PID1: variants seen among roughly 807,000 people sequenced by gnomAD.
PID1 encodes PTB-containing, cubilin and LRP1-interacting protein.
A neutral mutation model predicts 19.1 loss-of-function variants in PID1; 10 were observed. The observed-to-expected ratio is 0.52, with a 90% CI of 0.32 to 0.89. The LOEUF is 0.89. PID1 is among the 40% of genes least tolerant of loss of function. PID1 has a pLI of 0.03. For missense variants in PID1, 248 were observed against 285.3 expected (o/e 0.87, Z 0.94); for synonymous variants, 130 against 116.0 (o/e 1.12, Z -0.78).
chr2:229,159,073 A>C (rs1013207463), intron 1 of PID1, among the ~76,000 whole-genome samples: 1 of 152,238 alleles, frequency 6.6e-6, no homozygotes, highest in Non-Finnish European at 1.5e-5. Flanking sequence ...ACATTTTAAA[A>C]TTAATTAAAA....
intron 1 of PID1, among the ~76,000 whole-genome samples, chr2:229,270,587 T>G (rs1211092620): frequency 1.3e-5 from 2 of 149,212 alleles, no homozygotes; most frequent in South Asian, 2.1e-4. Context: ...ATTTCCACAT[T>G]ATATTGGCAA....
At chr2:229,231,743 C>G (rs1692213465) in intron 1 of PID1, among the ~76,000 whole-genome samples, 1 of 152,136 alleles carries the variant, frequency 6.6e-6, no homozygotes, top group African/African-American at 2.4e-5. Flanking sequence ...CTCCCATAAT[C>G]AGGTTTCTGT....
intron 1 of PID1, among the ~76,000 whole-genome samples, chr2:229,265,079 C>G (rs1412227886): frequency 6.6e-6 from 1 of 152,222 alleles, no homozygotes; most frequent in Non-Finnish European, 1.5e-5. Context: ...AAAACTGAAA[C>G]ATTGCTAGTA....
At position 229,087,608 on chromosome 2, in the gene PID1, C is replaced by T. The variant is rs570564460; in HGVS notation, c.178-61500G>A. 2.3e-4 allele frequency among the ~76,000 whole-genome samples: 35 copies of T among 152,260 alleles called. No individual in the cohort carries two copies. In the East Asian group the frequency reaches 3.3e-3, roughly 14 times the overall value. Reference sequence around the variant, plus strand: ...ACATTAGACATCAATAAATGTTCCTCGAAGACAGTTGCCATTGAGTAACGA... The same window carrying T: ...ACATTAGACATCAATAAATGTTCCTTGAAGACAGTTGCCATTGAGTAACGA... On this transcript the variant is annotated intron_variant, in intron 2 of 2. Coordinates refer to ENST00000392055, the MANE Select transcript of PID1 (RefSeq NM_001100818.2).
At chr2:229,030,186 G>C (rs1204097806) in intron 2 of PID1, among the ~76,000 whole-genome samples, 1 of 152,184 alleles carries the variant, frequency 6.6e-6, no homozygotes. Context: ...GATTCTATTT[G>C]TATGAAGTAT....
intron 1 of PID1, among the ~76,000 whole-genome samples, chr2:229,192,824 G>T (rs1691290682): frequency 6.6e-6 from 1 of 151,904 alleles, no homozygotes; most frequent in Non-Finnish European, 1.5e-5. Context: ...TTATTACTAG[G>T]CCAATTCTCT....
At position 229,141,823 on chromosome 2, in the gene PID1, G is replaced by A. The variant is rs142315509; in HGVS notation, c.177+13995C>T. ...CAATCTGACTAATGTCTCATTTAGA[G>A]CACTCAGTACGCACAGAAGCCCAGA... is the stretch of plus-strand genomic sequence containing the variant. On this transcript the variant is annotated intron_variant, in intron 2 of 2. Transcript: ENST00000392055. Among the ~76,000 whole-genome samples, 51 of 152,162 alleles carry A rather than the reference G, an allele frequency of 3.4e-4. 1 individual carries two copies. The East Asian group carries it at 9.5e-3, about 28-fold the overall frequency.
At chr2:229,227,912 G>A (rs1692115383) in intron 1 of PID1, 1 of 453,386 alleles carries the variant, frequency 2.2e-6, no homozygotes, top group Admixed American at 2.4e-5. Flanking sequence ...AAAATATACA[G>A]GAGGGTGTGC....
intron 1 of PID1, among the ~76,000 whole-genome samples, chr2:229,229,801 G>A (rs1692163634): frequency 6.6e-6 from 1 of 152,118 alleles, no homozygotes; most frequent in Non-Finnish European, 1.5e-5. Context: ...TTTCCTGGTG[G>A]AGCTGGGTTT....
At position 229,048,048 on chromosome 2, in the gene PID1, G is replaced by T. The variant is rs188365021; in HGVS notation, c.178-21940C>A. Among the ~76,000 whole-genome samples the T allele has an allele frequency of 1.4e-4, 22 of 152,296 alleles. No homozygotes were observed. The East Asian group carries it at 4.2e-3, about 29-fold the overall frequency. On this transcript the variant is annotated intron_variant, in intron 2 of 2. Coordinates refer to ENST00000392055, the MANE Select transcript of PID1 (RefSeq NM_001100818.2). ...CCACAGATTTTGCTTTTTAGGGTGA[G>T]CCTCAGAGTGGCAGATGATTTCTTG... is the stretch of plus-strand genomic sequence containing the variant.
chr2:229,227,074 C>G (rs1426132258), intron 1 of PID1, among the ~76,000 whole-genome samples: 1 of 152,156 alleles, frequency 6.6e-6, no homozygotes, highest in Non-Finnish European at 1.5e-5. Context: ...GCAAACTAAA[C>G]ACATATGCAC....
intron 2 of PID1, among the ~76,000 whole-genome samples, chr2:229,129,413 CAAAA>C (rs370442954): frequency 3.6e-5 from 4 of 111,068 alleles, no homozygotes; most frequent in Admixed American, 1.9e-4. Flanking sequence ...GACTCCATCT[CAAAA>C]AAAAAAAAAA....
intron 2 of PID1, among the ~76,000 whole-genome samples, chr2:229,041,265 A>G (rs999268497): frequency 4.6e-5 from 7 of 152,178 alleles, no homozygotes; most frequent in African/African-American, 1.7e-4. Context: ...AGAAAGGAGG[A>G]AAGTGCCCAA....
chr2:229,205,264 C>T (rs1574720003), intron 1 of PID1, among the ~76,000 whole-genome samples: 1 of 151,990 alleles, frequency 6.6e-6, no homozygotes, highest in African/African-American at 2.4e-5. Flanking sequence ...ATACTACATA[C>T]ACACACAAAC....
chr2:229,153,415 G>A (rs947020773), intron 2 of PID1, among the ~76,000 whole-genome samples: 1 of 152,182 alleles, frequency 6.6e-6, no homozygotes, highest in African/African-American at 2.4e-5. Flanking sequence ...TCTAGGGATG[G>A]AGAGTCCATA....
intron 2 of PID1, among the ~76,000 whole-genome samples, chr2:229,046,405 G>A (rs912553582): frequency 3.1e-5 from 3 of 97,852 alleles, no homozygotes; most frequent in African/African-American, 1.1e-4. Flanking sequence ...TGTGAGTCAG[G>A]AGGGGGGGAA....
chr2:229,182,309 G>T (rs1275761272), intron 1 of PID1, among the ~76,000 whole-genome samples: 1 of 152,086 alleles, frequency 6.6e-6, no homozygotes, highest in Non-Finnish European at 1.5e-5. Flanking sequence ...TGTGTGTTTT[G>T]AAGGAAAGAG....
At chr2:229,065,473 T>A (rs1428360467) in intron 2 of PID1, among the ~76,000 whole-genome samples, 4 of 152,028 alleles carry the variant, frequency 2.6e-5, no homozygotes, top group Admixed American at 6.6e-5. Flanking sequence ...GGAATATTAA[T>A]CTCATTTCTA....
intron 2 of PID1, among the ~76,000 whole-genome samples, chr2:229,133,808 G>A (rs1027673446): frequency 6.6e-6 from 1 of 151,338 alleles, no homozygotes; most frequent in Admixed American, 6.6e-5. Flanking sequence ...TATACTTTAA[G>A]TTTTAGGGTA....
Sources: allele counts gnomAD v4.1 joint callset (sites outside exome capture counted in the v4.1 genomes callset), GRCh38; gene constraint gnomAD v4.1.1; transcripts MANE v1.5; gene names NCBI Gene and HGNC (gene_info 2026-07-23, HGNC 2026-07-21).